SLC25A53: variants seen among roughly 807,000 people sequenced by gnomAD.
The protein encoded by SLC25A53 is mitochondrial carrier triple repeat protein 6.
A neutral mutation model predicts 15.0 loss-of-function variants in SLC25A53; 5 were observed. The observed-to-expected ratio is 0.33, with a 90% CI of 0.17 to 0.70. The LOEUF is 0.70. SLC25A53 is among the 30% of genes least tolerant of loss of function. The pLI, the probability that SLC25A53 is intolerant of heterozygous loss-of-function variation, is 0.67. For synonymous variants in SLC25A53, 95 were observed against 100.0 expected (o/e 0.95, Z 0.30); for missense variants, 216 against 241.6 (o/e 0.89, Z 0.70).
At chrX:104,141,035 G>T (rs1157456996) in intron 1 of SLC25A53, among the ~76,000 whole-genome samples, 2 of 111,965 alleles carry the variant, frequency 1.8e-5, no homozygotes, top group Admixed American at 1.9e-4. Flanking sequence ...GGCAGAGTAA[G>T]AACCTCCAAA....
At chrX:104,142,368 A>G (rs2075453070) in intron 1 of SLC25A53, among the ~76,000 whole-genome samples, 1 of 112,476 alleles carries the variant, frequency 8.9e-6, no homozygotes, top group South Asian at 3.6e-4. Flanking sequence ...TCAATCTCTG[A>G]TAACTAAGTA....
intron 1 of SLC25A53, among the ~76,000 whole-genome samples, chrX:104,148,632 T>C (rs1021321444): frequency 2.0e-5 from 2 of 102,041 alleles, no homozygotes; most frequent in Admixed American, 2.1e-4. Flanking sequence ...GAACTGAACA[T>C]TGAGAACACT....
chrX:104,144,787 C>T (rs1437447877), intron 1 of SLC25A53, among the ~76,000 whole-genome samples: 5 of 111,171 alleles, frequency 4.5e-5, no homozygotes, highest in South Asian at 3.8e-4. Context: ...ATACATGCAC[C>T]CAATACAGGA....
At chrX:104,113,840 T>C (rs1269537105) in intron 1 of SLC25A53, 2 of 329,980 alleles carry the variant, frequency 6.1e-6, no homozygotes, top group Non-Finnish European at 1.0e-5. Flanking sequence ...AGCTCTGGAA[T>C]GTTGTAATTG....
chrX:104,116,306 G>A (rs1218708721), intron 1 of SLC25A53, among the ~76,000 whole-genome samples: 3 of 111,233 alleles, frequency 2.7e-5, no homozygotes, highest in African/African-American at 9.8e-5. Context: ...TCACGAAGAG[G>A]TCAAAACTGG....
intron 1 of SLC25A53, among the ~76,000 whole-genome samples, chrX:104,147,677 G>A (rs2075472172): frequency 9.0e-6 from 1 of 111,513 alleles, no homozygotes; most frequent in African/African-American, 3.3e-5. Flanking sequence ...AGACATTGAT[G>A]CAGCCAAAAG....
intron 1 of SLC25A53, among the ~76,000 whole-genome samples, chrX:104,155,536 G>A (rs1295868531): frequency 9.0e-6 from 1 of 111,643 alleles, no homozygotes; most frequent in African/African-American, 3.3e-5. Flanking sequence ...GGTAAACAAA[G>A]AGGCTTCTTT....
intron 1 of SLC25A53, among the ~76,000 whole-genome samples, chrX:104,133,768 T>A (rs1174253018): frequency 9.0e-6 from 1 of 111,025 alleles, no homozygotes; most frequent in Admixed American, 9.7e-5. Context: ...ACAAGTACAA[T>A]CAGAGACTCG....
At chrX:104,113,127 C>T (rs2075357946) in intron 1 of SLC25A53, 1 of 110,930 alleles carries the variant, frequency 9.0e-6, no homozygotes, top group Non-Finnish European at 1.9e-5. Context: ...TGCATCTCCT[C>T]ATCTCTTCCT....
In SLC25A53 at chrX:104,103,702, C is replaced by A. The variant is rs1296204204; in HGVS notation, c.*632G>T. The A allele has an allele frequency of 1.8e-5, 2 of 111,946 alleles. No individual in the cohort carries two copies. The allele number at this position is 111,946 out of a possible 1,213,427, so 9.2% of individuals were successfully genotyped here. The stretch of plus-strand genomic sequence containing the variant: ...CTTTCAAAGTTTTTATTCTTTCCAT[C>A]CATGGGCCACGCCTCTTCTCACTCC... On this transcript the variant is annotated 3_prime_UTR_variant, in exon 2 of 2. Coordinates refer to ENST00000594199, the MANE Select transcript of SLC25A53 (RefSeq NM_001012755.5).
intron 1 of SLC25A53, among the ~76,000 whole-genome samples, chrX:104,119,747 T>C (rs2075387902): frequency 9.0e-6 from 1 of 111,609 alleles, no homozygotes; most frequent in African/African-American, 3.3e-5. Context: ...TAACAAATTA[T>C]TATAAAGCAA....
At chrX:104,115,058 C>T (rs782611516) in intron 1 of SLC25A53, 5 of 1,197,753 alleles carry the variant, frequency 4.2e-6, no homozygotes, top group Non-Finnish European at 5.6e-6. Context: ...CCCAACAATT[C>T]TGGGGCTCAG....
chrX:104,116,799 A>T lies in SLC25A53; in HGVS notation c.-31-11511T>A, dbSNP rs781814765. On this transcript the variant is annotated intron_variant, in intron 1 of 1. Coordinates refer to ENST00000594199, the MANE Select transcript of SLC25A53 (RefSeq NM_001012755.5). Reference sequence around the variant, plus strand: ...CACCTTGGAGTGCTCTCCTTCCAGAATCACCTCCAACTCTGCTCTTCCCTG... The same window carrying T: ...CACCTTGGAGTGCTCTCCTTCCAGATTCACCTCCAACTCTGCTCTTCCCTG... 6.3e-5 allele frequency among the ~76,000 whole-genome samples: 7 copies of T among 110,431 alleles called. No individual in the cohort carries two copies. The East Asian group carries it at 2.0e-3, about 32-fold the overall frequency.
At chrX:104,115,445 AAGG>A (rs1354328858) in intron 1 of SLC25A53, 5 of 694,650 alleles carry the variant, frequency 7.2e-6, no homozygotes, top group African/African-American at 2.2e-5. Flanking sequence ...TTCCTTTGGG[AAGG>A]AGAAGAGGTC....
chrX:104,138,017 A>C (rs1463486125), intron 1 of SLC25A53, among the ~76,000 whole-genome samples: 1 of 112,326 alleles, frequency 8.9e-6, no homozygotes, highest in African/African-American at 3.2e-5. Flanking sequence ...AAATTTCAGA[A>C]CGCATTCAAA....
chrX:104,143,153 C>T (rs782171591), intron 1 of SLC25A53, among the ~76,000 whole-genome samples: 5 of 110,961 alleles, frequency 4.5e-5, no homozygotes, highest in South Asian at 3.8e-4. Context: ...GAGAAACCAG[C>T]GCAGAAAGGC....
chrX:104,123,084 G>C (rs1556363244), intron 1 of SLC25A53, among the ~76,000 whole-genome samples: 1 of 112,178 alleles, frequency 8.9e-6, no homozygotes, highest in African/African-American at 3.2e-5. Context: ...CTGTGCCATA[G>C]AATGCCATCA....
At chrX:104,114,260 G>C in intron 1 of SLC25A53, 3 of 1,209,976 alleles carry the variant, frequency 2.5e-6, no homozygotes, top group Non-Finnish European at 3.4e-6. Flanking sequence ...TTGTTCTCAG[G>C]AAGAGTGGTG....
intron 1 of SLC25A53, among the ~76,000 whole-genome samples, chrX:104,123,198 G>A (rs1276359851): frequency 8.9e-6 from 1 of 112,556 alleles, no homozygotes. Context: ...ATTAAAGTCA[G>A]TAGACTTCAG....
Sources: gnomAD v4.1 joint callset for allele counts (sites outside exome capture counted in the v4.1 genomes callset) on GRCh38, gnomAD v4.1.1 for gene constraint, MANE v1.5 for transcripts, NCBI Gene and HGNC (gene_info 2026-07-23, HGNC 2026-07-21) for gene names.